COL22A1: variants seen among roughly 807,000 people sequenced by gnomAD.
COL22A1 encodes collagen alpha-1(XXII) chain.
COL22A1 carries 221 observed loss-of-function variants against 248.9 expected under a neutral mutation model. The ratio of observed to expected loss-of-function variants is 0.89; its 90% CI spans 0.80 to 0.99. The LOEUF (loss-of-function observed/expected upper bound fraction) is 0.99, where lower values mean the gene tolerates loss of function less well. Ranked by LOEUF, COL22A1 falls within the 50% of genes least tolerant of loss-of-function variation. The pLI is 0.00. For missense variants in COL22A1, 2,240 were observed against 2,179.0 expected (o/e 1.03, Z -0.56); for synonymous variants, 891 against 793.4 (o/e 1.12, Z -2.07).
chr8:138,899,309 T>C (rs1814368445), intron 1 of COL22A1, among the ~76,000 whole-genome samples: 2 of 152,086 alleles, frequency 1.3e-5, no homozygotes, highest in Admixed American at 1.3e-4. Flanking sequence ...CAGGGCCACT[T>C]TACGGATAAA....
In COL22A1 at chr8:138,755,484, G is replaced by A. The variant is rs761379328; in HGVS notation, c.1975C>T (p.Gln659Ter). Residue 659 changes from glutamine to a stop codon, truncating the protein, a stop_gained and splice_region_variant, in exon 20 of 65, where the codon CAG becomes TAG. Transcript: ENST00000303045. LOFTEE classifies it high-confidence loss of function. ...AAGAAGACGCGTGTGCCTCTTACCT[G>A]TTCCCCTTTCAAGCCCTCTTGCTGC... ...VVQQEGLKGE[Q>*]GAPGPRGHQG... The A allele has an allele frequency of 6.2e-7, 1 of 1,613,872 alleles. No individual in the cohort carries two copies. Among genetic ancestry groups the A allele is most frequent in the South Asian group, 1.1e-5 (1 of 91,082 alleles).
intron 56 of COL22A1, among the ~76,000 whole-genome samples, chr8:138,611,211 G>A (rs1213405221): frequency 6.6e-6 from 1 of 152,220 alleles, no homozygotes; most frequent in Non-Finnish European, 1.5e-5. Context: ...GAGAAGACCT[G>A]GCTTGGGGCA....
chr8:138,796,389 C>CTTTTTTTTTTTTTTT (rs11284610), intron 12 of COL22A1, among the ~76,000 whole-genome samples: 2 of 26,308 alleles, frequency 7.6e-5, no homozygotes, highest in African/African-American at 2.7e-4. Flanking sequence ...TGCTACTTTC[C>CTTTTTTTTTTTTTTT]TTTTTTTTTT....
chr8:138,854,664 C>T (rs1448915455), intron 3 of COL22A1, among the ~76,000 whole-genome samples: 1 of 152,202 alleles, frequency 6.6e-6, no homozygotes, highest in African/African-American at 2.4e-5. Flanking sequence ...TTGGCTCTCA[C>T]ACTTGCCTAT....
At chr8:138,640,490 A>C (rs2130430479) in intron 47 of COL22A1, among the ~76,000 whole-genome samples, 1 of 152,156 alleles carries the variant, frequency 6.6e-6, no homozygotes, top group East Asian at 1.9e-4. Context: ...CTCCACCAAT[A>C]GCTGGTAAAT....
intron 45 of COL22A1, among the ~76,000 whole-genome samples, chr8:138,652,586 CT>C (rs1479854251): frequency 6.6e-6 from 1 of 152,070 alleles, no homozygotes; most frequent in Non-Finnish European, 1.5e-5. Flanking sequence ...CATTCTCCTA[CT>C]TTAGGAGATT....
At chr8:138,660,715 C>T (rs976592178) in intron 43 of COL22A1, among the ~76,000 whole-genome samples, 2 of 152,184 alleles carry the variant, frequency 1.3e-5, no homozygotes, top group African/African-American at 4.8e-5. Context: ...ACTACCCCCA[C>T]AACTCCTGTC....
At chr8:138,599,568 T>TA (rs954538331) in intron 60 of COL22A1, among the ~76,000 whole-genome samples, 3 of 151,902 alleles carry the variant, frequency 2.0e-5, no homozygotes, top group African/African-American at 7.3e-5. Flanking sequence ...AAATTTTTTT[T>TA]AAAAAAACTA....
chr8:138,873,836 C>A (rs117071734), intron 3 of COL22A1, among the ~76,000 whole-genome samples: 1,854 of 152,280 alleles, frequency 0.012, 19 homozygotes, highest in Admixed American at 0.025. Flanking sequence ...AATTGAATGG[C>A]TGTTTTAATG....
At chr8:138,807,207 AT>A in intron 10 of COL22A1, among the ~76,000 whole-genome samples, 1 of 152,182 alleles carries the variant, frequency 6.6e-6, no homozygotes, top group Middle Eastern at 3.4e-3. Flanking sequence ...GTCTCCAGTG[AT>A]TTTCACCCAC....
chr8:138,688,882 T>G, intron 37 of COL22A1, 35 bp downstream of exon 37: 2 of 1,582,448 alleles, frequency 1.3e-6, no homozygotes, highest in Non-Finnish European at 1.7e-6. Flanking sequence ...GTTAAGGATA[T>G]TCACTTGTGT....
intron 32 of COL22A1, among the ~76,000 whole-genome samples, chr8:138,697,076 G>C (rs927945631): frequency 2.0e-5 from 3 of 152,150 alleles, no homozygotes; most frequent in Non-Finnish European, 4.4e-5. Context: ...CCTACGGAGG[G>C]TCAGAAAGGG....
chr8:138,881,537 T>C (rs547532484), intron 2 of COL22A1, among the ~76,000 whole-genome samples: 1 of 151,892 alleles, frequency 6.6e-6, no homozygotes, highest in African/African-American at 2.4e-5. Flanking sequence ...TACAAAAAAT[T>C]AGCCAGGCAT....
Position 138,878,077 on chromosome 8 carries a change from G to A in COL22A1, c.331C>T (p.His111Tyr), listed in dbSNP as rs775766874. 3.8e-6 allele frequency: 6 copies of A among 1,598,640 alleles called. No homozygotes were observed. Among genetic ancestry groups the A allele is most frequent in the Non-Finnish European group, 8.5e-7 (1 of 1,173,548 alleles). The change falls in exon 3 of 65, where the codon CAC becomes TAC. Residue 111 changes from histidine to tyrosine, a missense_variant. His to Tyr is a moderately conservative substitution (Grantham distance 83). Transcript: ENST00000303045. ...TCTCCCGTGTTGGTGTTGCCCCCGT[G>A]GTAGGCGAGACGCCGGGCAGCCGCC... ...VKAAARRLAY[H>Y]GGNTNTGDAL...
At chr8:138,614,686 T>C (rs1490598173) in intron 55 of COL22A1, among the ~76,000 whole-genome samples, 1 of 151,594 alleles carries the variant, frequency 6.6e-6, no homozygotes, top group Non-Finnish European at 1.5e-5. Flanking sequence ...GTATCACGAT[T>C]CTCAAGCTGC....
At chr8:138,800,989 C>A (rs981355238) in intron 11 of COL22A1, among the ~76,000 whole-genome samples, 1 of 152,190 alleles carries the variant, frequency 6.6e-6, no homozygotes, top group Non-Finnish European at 1.5e-5. Context: ...CTAGGCCTCA[C>A]GTCACCGAGC....
At chr8:138,757,985 G>C (rs1324047588) in intron 18 of COL22A1, among the ~76,000 whole-genome samples, 1 of 152,216 alleles carries the variant, frequency 6.6e-6, no homozygotes, top group Admixed American at 6.5e-5. Flanking sequence ...CAGCAGACGT[G>C]CTGGGAGGTG....
chr8:138,825,886 A>G (rs1398350352), intron 6 of COL22A1: 1 of 152,238 alleles, frequency 6.6e-6, no homozygotes, highest in Non-Finnish European at 1.5e-5. Flanking sequence ...GGCAGAGAAC[A>G]AATAGTAGTG....
intron 11 of COL22A1, among the ~76,000 whole-genome samples, chr8:138,797,320 T>C (rs1470742121): frequency 1.3e-5 from 2 of 152,236 alleles, no homozygotes; most frequent in East Asian, 1.9e-4. Context: ...TTGTCTCTTC[T>C]GTACATTTTT....
Sources: gnomAD v4.1 joint callset for allele counts (sites outside exome capture counted in the v4.1 genomes callset) on GRCh38, gnomAD v4.1.1 for gene constraint, MANE v1.5 for transcripts, NCBI Gene and HGNC (gene_info 2026-07-23, HGNC 2026-07-21) for gene names.